The following CSAG1 variants were observed in gnomAD, a reference collection of about 807,000 sequenced individuals.
The protein encoded by CSAG1 is chondrosarcoma-associated gene 1 protein.
CSAG1 carries 4 observed loss-of-function variants against 4.8 expected under a neutral mutation model. The observed-to-expected ratio is 0.83, with a 90% CI of 0.41 to 1.90. The LOEUF is 1.90. CSAG1 is among the 40% of genes most tolerant of loss of function. The probability of loss-of-function intolerance (pLI) is 0.03; values close to 1 mark genes in which losing one functional copy is unlikely to be tolerated. For synonymous variants in CSAG1, 21 were observed against 23.1 expected (o/e 0.91, Z 0.26); for missense variants, 69 against 59.5 (o/e 1.16, Z -0.53).
At chrX:152,732,584 C>T (rs1169422409) in intron 1 of CSAG1, 80 bp from the exon 2 acceptor site, 8 of 1,091,019 alleles carry the variant, frequency 7.3e-6, no homozygotes, top group Non-Finnish European at 1.0e-5. Context: ...AGGGCCAGTC[C>T]AGGGTGAGAC....
At chrX:152,729,958 C>A (rs1359884796) in intron 2 of CSAG1, among the ~76,000 whole-genome samples, 2 of 88,825 alleles carry the variant, frequency 2.3e-5, no homozygotes, top group African/African-American at 4.2e-5. Context: ...CCAAAAATAG[C>A]AGCATCCAAA....
At chrX:152,729,992 TTATA>T (rs61137896) in intron 2 of CSAG1, among the ~76,000 whole-genome samples, 3 of 64,635 alleles carry the variant, frequency 4.6e-5, no homozygotes, top group African/African-American at 1.1e-4. Context: ...GGTGAATGGA[TTATA>T]TATATATATA....
chrX:152,729,968 A>C (rs1421328423), intron 2 of CSAG1, among the ~76,000 whole-genome samples: 3 of 85,035 alleles, frequency 3.5e-5, no homozygotes, highest in East Asian at 7.7e-4. Flanking sequence ...CAGCATCCAA[A>C]ATGTATTTCA....
intron 2 of CSAG1, among the ~76,000 whole-genome samples, chrX:152,732,055 C>T (rs1556228120): frequency 8.9e-6 from 1 of 111,996 alleles, no homozygotes; most frequent in African/African-American, 3.2e-5. Flanking sequence ...ATTGGAAAAA[C>T]ATGTAATGTT....
chrX:152,733,128 C>G (rs1347522632), intron 1 of CSAG1: 1 of 111,949 alleles, frequency 8.9e-6, no homozygotes, highest in African/African-American at 3.3e-5. Context: ...GAGGAGCTCC[C>G]GTGGGAAAGT....
intron 2 of CSAG1, among the ~76,000 whole-genome samples, chrX:152,728,742 C>G (rs1192641936): frequency 8.9e-6 from 1 of 111,838 alleles, no homozygotes; most frequent in Non-Finnish European, 1.9e-5. Context: ...GGCCTTATTC[C>G]TGGCTTGTAG....
intron 1 of CSAG1, among the ~76,000 whole-genome samples, chrX:152,732,757 C>T (rs781871174): frequency 9.8e-5 from 11 of 112,240 alleles, no homozygotes; most frequent in Non-Finnish European, 1.9e-4. Flanking sequence ...ATTGCACAAT[C>T]TGAGGCAGCT....
At chrX:152,732,370 C>G in intron 2 of CSAG1, 75 bp downstream of exon 2, 1 of 1,140,028 alleles carries the variant, frequency 8.8e-7, no homozygotes, top group African/African-American at 1.8e-5. Context: ...AGGAGTATAA[C>G]ATATTCATTC....
intron 2 of CSAG1, among the ~76,000 whole-genome samples, chrX:152,729,992 T>TTATATATATATATATATA (rs61137896): frequency 0.021 from 1,379 of 64,344 alleles, 55 homozygotes; most frequent in African/African-American, 0.038. Context: ...GGTGAATGGA[T>TTATATATATATATATATA]TATATATATA....
intron 1 of CSAG1, 130 bp from the exon 2 acceptor site, chrX:152,732,634 C>A: frequency 1.2e-6 from 1 of 827,803 alleles, no homozygotes. Flanking sequence ...GTGACACTTG[C>A]CGTGTCGGTT....
chrX:152,728,511 C>G (rs1475835584), intron 2 of CSAG1, among the ~76,000 whole-genome samples: 1 of 111,690 alleles, frequency 9.0e-6, no homozygotes, highest in Admixed American at 9.5e-5. Context: ...AAAAATGTGA[C>G]TCAAAATGAA....
intron 2 of CSAG1, among the ~76,000 whole-genome samples, chrX:152,729,705 A>C (rs1556228967): frequency 6.3e-5 from 7 of 111,065 alleles, no homozygotes. Flanking sequence ...AAACAAAGCA[A>C]ACAAAACCAA....
In CSAG1 at chrX:152,729,992, T is replaced by TTATATA. The variant is rs61137896; in HGVS notation, c.17-1774_17-1769dup. ...AAATGTATTTCATTTGGTGAATGGA[T>TTATATA]TATATATATATATATATACACACAT... On this transcript the variant is annotated intron_variant, in intron 2 of 3. Coordinates refer to ENST00000452779, the MANE Select transcript of CSAG1 (RefSeq NM_001102576.3). Among the ~76,000 whole-genome samples the TTATATA allele has an allele frequency of 4.5e-3, 290 of 64,630 alleles. 9 individuals carry two copies. Among genetic ancestry groups the TTATATA allele is most frequent in the African/African-American group, 0.015 (257 of 17,571 alleles). The allele number at this position is 64,630 out of a possible 115,157, so 56.1% of individuals were successfully genotyped here. A position where few individuals can be genotyped will look rare whatever the true frequency, so the allele number is the denominator to read the frequency against.
chrX:152,728,037 T>C, intron 3 of CSAG1, 37 bp downstream of exon 3: 9 of 1,211,411 alleles, frequency 7.4e-6, no homozygotes, highest in Non-Finnish European at 1.0e-5. Flanking sequence ...ATAGGGCTTC[T>C]GGGCCAGGGA....
intron 1 of CSAG1, 30 bp from the exon 2 acceptor site, chrX:152,732,534 T>C (rs1280543311): frequency 5.0e-6 from 6 of 1,204,050 alleles, no homozygotes; most frequent in Non-Finnish European, 6.7e-6. Context: ...AAACAGAAAG[T>C]AAAAAACCAG....
At position 152,732,329 on chromosome X, in the gene CSAG1, T is replaced by C. The variant is rs1301130220; in HGVS notation, c.16+116A>G. 14 of 971,713 alleles carry C rather than the reference T, an allele frequency of 1.4e-5. No homozygotes were observed. In the Admixed American group the frequency reaches 5.0e-4, roughly 35 times the overall value. The allele number at this position is 971,713 out of a possible 1,213,427, so 80.1% of individuals were successfully genotyped here. ...AGGCAACTATCGAAGTATACTGACA[T>C]ATTCAGGAAAAAATAGCTTGACATA... On this transcript the variant is annotated intron_variant, in intron 2 of 3. Coordinates refer to ENST00000452779, the MANE Select transcript of CSAG1 (RefSeq NM_001102576.3).
Position 152,727,852 on chromosome X carries a change from T to G in CSAG1, c.179A>C (p.Gln60Pro). The G allele has an allele frequency of 8.3e-7, 1 of 1,210,643 alleles. No homozygotes were observed. Among genetic ancestry groups the G allele is most frequent in the Non-Finnish European group, 1.1e-6 (1 of 894,686 alleles). Residue 60 changes from glutamine to proline, a missense_variant, in exon 4 of 4, where the codon CAA becomes CCA. Coordinates refer to ENST00000452779, the MANE Select transcript of CSAG1 (RefSeq NM_001102576.3). Reference protein sequence around the residue: ...HPSTPKRFPRQPRREKGPVKE... With the variant: ...HPSTPKRFPRPPRREKGPVKE... ...GACGGGTCCCTTTTCCCTTCTGGGT[T>G]GTCTTGGGAACCTGGAAAGCCAACA... is the stretch of plus-strand genomic sequence containing the variant.
At position 152,727,702 on chromosome X, in the gene CSAG1, G is replaced by T. The variant is rs1556830490; in HGVS notation, c.*92C>A. The T allele has an allele frequency of 1.3e-3, 1,437 of 1,065,525 alleles. 3 individuals are homozygous for T. Among genetic ancestry groups the T allele is most frequent in the Non-Finnish European group, 1.5e-3 (1,131 of 764,534 alleles). The allele number at this position is 1,065,525 out of a possible 1,213,427, so 87.8% of individuals were successfully genotyped here. ...CTTGCCCTTGTGGTCCTGCTATGGC[G>T]CATTTTGATTGAGTTCCTCGTTCGG... On this transcript the variant is annotated 3_prime_UTR_variant, in exon 4 of 4. Coordinates refer to ENST00000452779, the MANE Select transcript of CSAG1 (RefSeq NM_001102576.3).
intron 3 of CSAG1, 66 bp downstream of exon 3, chrX:152,728,008 G>A (rs782509106): frequency 3.3e-6 from 4 of 1,208,283 alleles, no homozygotes; most frequent in African/African-American, 3.5e-5. Context: ...GTCAGAGCTT[G>A]GGTGGGCCAT....
Sources: allele counts gnomAD v4.1 joint callset (sites outside exome capture counted in the v4.1 genomes callset), GRCh38; gene constraint gnomAD v4.1.1; transcripts MANE v1.5; gene names NCBI Gene and HGNC (gene_info 2026-07-23, HGNC 2026-07-21).